ACAA2: variants seen among roughly 807,000 people sequenced by gnomAD.
ACAA2 encodes the protein acetyl-CoA acyltransferase 2, also known as 3-ketoacyl-CoA thiolase, mitochondrial.
ACAA2 carries 35 observed loss-of-function variants against 44.8 expected under a neutral mutation model. The ratio of observed to expected loss-of-function variants is 0.78; its 90% CI spans 0.60 to 1.04. The LOEUF is 1.04. Ranked by LOEUF, ACAA2 falls within the 50% of genes least tolerant of loss-of-function variation. ACAA2 has a pLI of 0.00. For synonymous variants in ACAA2, 142 were observed against 166.5 expected (o/e 0.85, Z 1.13); for missense variants, 468 against 482.6 (o/e 0.97, Z 0.28).
chr18:49,792,064 G>T, intron 6 of ACAA2, 88 bp downstream of exon 6: 1 of 1,053,374 alleles, frequency 9.5e-7, no homozygotes, highest in Non-Finnish European at 1.4e-6. Context: ...CTAAAGACTG[G>T]CATAAAAAGT....
Position 49,792,167 on chromosome 18 carries a change from A to C in ACAA2, c.738T>G (p.Thr246=). ...TGATACCAACCGATGCATTCCCTGCAGTAACAGTTCCATCTTTCTTGAATA... is the reference window on the plus strand; with the variant it reads ...TGATACCAACCGATGCATTCCCTGCCGTAACAGTTCCATCTTTCTTGAATA... The part of the protein sequence containing the change: ...PPVFKKDGTV[T]AGNASGVADG... The change falls in exon 6 of 10, where the codon ACT becomes ACG. Residue 246 remains threonine, a synonymous_variant. Coordinates refer to ENST00000285093, the MANE Select transcript of ACAA2 (RefSeq NM_006111.3). The C allele has an allele frequency of 6.2e-7, 1 of 1,613,876 alleles. No homozygotes were observed. The highest frequency in any genetic ancestry group is 8.5e-7 in the Non-Finnish European group (1 of 1,179,814).
intron 1 of ACAA2, among the ~76,000 whole-genome samples, chr18:49,804,146 G>T (rs1384243034): frequency 6.6e-6 from 1 of 151,890 alleles, no homozygotes; most frequent in South Asian, 2.1e-4. Context: ...CCTGACCTCA[G>T]GGGATCCACC....
intron 4 of ACAA2, 39 bp from the exon 5 acceptor site, chr18:49,794,466 T>C (rs755955140): frequency 6.9e-7 from 1 of 1,443,878 alleles, no homozygotes; most frequent in East Asian, 2.6e-5. Context: ...GTTAAGGCAT[T>C]TCCTTTTAAA....
At chr18:49,784,038 G>T in intron 9 of ACAA2, 107 bp from the exon 10 acceptor site, 3 of 884,036 alleles carry the variant, frequency 3.4e-6, no homozygotes, top group Non-Finnish European at 5.5e-6. Flanking sequence ...CAGCTCATCT[G>T]CTCAATCTTT....
At chr18:49,800,160 C>G (rs1296717518) in intron 2 of ACAA2, among the ~76,000 whole-genome samples, 4 of 31,808 alleles carry the variant, frequency 1.3e-4, no homozygotes, top group Non-Finnish European at 1.4e-4. Flanking sequence ...CCAGCCACCC[C>G]GTCTGGGAGG....
At chr18:49,807,311 G>A (rs1434883563) in intron 1 of ACAA2, among the ~76,000 whole-genome samples, 5 of 152,300 alleles carry the variant, frequency 3.3e-5, no homozygotes, top group African/African-American at 7.2e-5. Context: ...CAAGGCTACC[G>A]TGGGCTACAA....
chr18:49,808,646 G>T (rs1465851889), intron 1 of ACAA2, among the ~76,000 whole-genome samples: 1 of 152,136 alleles, frequency 6.6e-6, no homozygotes, highest in Non-Finnish European at 1.5e-5. Context: ...TTTCAAAAGG[G>T]GAGCAGGTGT....
At chr18:49,805,322 T>C (rs142258710) in intron 1 of ACAA2, among the ~76,000 whole-genome samples, 89 of 152,334 alleles carry the variant, frequency 5.8e-4, no homozygotes, top group African/African-American at 1.9e-3. Flanking sequence ...ATTCCTATTT[T>C]GAGAAATTTG....
chr18:49,787,261 A>AG (rs762422625), intron 8 of ACAA2, 30 bp downstream of exon 8: 426 of 703,934 alleles, frequency 6.1e-4, no homozygotes, highest in Admixed American at 4.6e-3. Context: ...TCATGTTGTT[A>AG]AAAAAAAAAA....
At position 49,787,353 on chromosome 18, in the gene ACAA2, G is replaced by C; in HGVS notation, c.892C>G (p.Pro298Ala). The change falls in exon 8 of 10, where the codon CCT becomes GCT. Residue 298 changes from proline to alanine, a missense_variant. Coordinates refer to ENST00000285093, the MANE Select transcript of ACAA2 (RefSeq NM_006111.3). ...DPSIMGIGPV[P>A]AISGALKKAG... ...TTCTTCAGTGCCCCACTGATAGCAG[G>C]GACAGGACCTATATAATAATAAAAA... The C allele has an allele frequency of 6.9e-7, 1 of 1,451,932 alleles. No individual in the cohort carries two copies. The highest frequency in any genetic ancestry group is 9.1e-7 in the Non-Finnish European group (1 of 1,102,404). The allele number at this position is 1,451,932 out of a possible 1,614,324, so 89.9% of individuals were successfully genotyped here. A position where few individuals can be genotyped will look rare whatever the true frequency, so the allele number is the denominator to read the frequency against.
intron 5 of ACAA2, among the ~76,000 whole-genome samples, chr18:49,793,025 T>C (rs1015335997): frequency 3.9e-5 from 6 of 152,366 alleles, no homozygotes; most frequent in Admixed American, 2.0e-4. Context: ...AGCATCTGTC[T>C]GTTTGCTATA....
intron 4 of ACAA2, among the ~76,000 whole-genome samples, chr18:49,795,333 GTGA>G (rs1293455449): frequency 1.3e-5 from 2 of 152,176 alleles, no homozygotes; most frequent in African/African-American, 4.8e-5. Flanking sequence ...GATGTTTTCT[GTGA>G]TGATGAAGAA....
chr18:49,786,290 A>C (rs1011731241), intron 8 of ACAA2: 1 of 152,234 alleles, frequency 6.6e-6, no homozygotes, highest in African/African-American at 2.4e-5. Flanking sequence ...AACCTAGGAA[A>C]ACTATGGTCT....
chr18:49,792,964 T>A (rs1187714594), intron 5 of ACAA2, among the ~76,000 whole-genome samples: 1 of 152,228 alleles, frequency 6.6e-6, no homozygotes, highest in African/African-American at 2.4e-5. Context: ...TTAAAAATTA[T>A]ATTTTTTTAA....
chr18:49,790,884 G>A (rs976853974), intron 7 of ACAA2, among the ~76,000 whole-genome samples: 1 of 152,138 alleles, frequency 6.6e-6, no homozygotes. Flanking sequence ...GAGACTATGC[G>A]TTTAACTCAC....
chr18:49,805,053 T>C (rs535798438), intron 1 of ACAA2, among the ~76,000 whole-genome samples: 1 of 152,354 alleles, frequency 6.6e-6, no homozygotes, highest in East Asian at 1.9e-4. Context: ...GGACACTTAC[T>C]ATGGAATAGA....
chr18:49,793,378 G>C (rs2023428448), intron 5 of ACAA2, among the ~76,000 whole-genome samples: 1 of 152,118 alleles, frequency 6.6e-6, no homozygotes, highest in Non-Finnish European at 1.5e-5. Flanking sequence ...TAGATAAATA[G>C]GGAAGGCAAA....
chr18:49,803,659 T>C (rs773658883), intron 1 of ACAA2, among the ~76,000 whole-genome samples: 2 of 152,198 alleles, frequency 1.3e-5, no homozygotes, highest in Non-Finnish European at 2.9e-5. Context: ...GCTAGAAACA[T>C]ATGTTGAGAA....
Position 49,789,664 on chromosome 18 carries a change from T to C in ACAA2, c.883+1806A>G, listed in dbSNP as rs569778489. Reference sequence around the variant, plus strand: ...TACATTTGTTTGATCATCAAAAGCATCTAGGTGTATGCAGGAAAAAAACCA... The same window carrying C: ...TACATTTGTTTGATCATCAAAAGCACCTAGGTGTATGCAGGAAAAAAACCA... On this transcript the variant is annotated intron_variant, in intron 7 of 9. Coordinates refer to ENST00000285093, the MANE Select transcript of ACAA2 (RefSeq NM_006111.3). Among the ~76,000 whole-genome samples the C allele has an allele frequency of 3.3e-5, 5 of 152,286 alleles. No individual in the cohort carries two copies. The South Asian group carries it at 1.0e-3, about 32-fold the overall frequency.
Sources: allele counts gnomAD v4.1 joint callset (sites outside exome capture counted in the v4.1 genomes callset), GRCh38; gene constraint gnomAD v4.1.1; transcripts MANE v1.5; gene names NCBI Gene and HGNC (gene_info 2026-07-23, HGNC 2026-07-21).